TOP6BL: variants seen among roughly 807,000 people sequenced by gnomAD.
TOP6BL encodes the protein TOP6B like initiator of meiotic double strand breaks.
At chr11:66,758,302 C>CTTTTCTTTTTTTTTT in the TOP6BL span, 41 of 67,330 alleles carry the variant, frequency 6.1e-4, no homozygotes, top group East Asian at 5.4e-3. Flanking sequence ...TTTTCTTTTT[C>CTTTTCTTTTTTTTTT]TTTTTTTTTT....
At chr11:66,780,154 A>T in the TOP6BL span, among the ~76,000 whole-genome samples, 7 of 148,326 alleles carry the variant, frequency 4.7e-5, no homozygotes, top group South Asian at 2.2e-4. Context: ...AAACTTTCAT[A>T]AAAAAAAAAG....
At chr11:66,836,395 G>T in the TOP6BL span, among the ~76,000 whole-genome samples, 1 of 151,836 alleles carries the variant, frequency 6.6e-6, no homozygotes, top group Non-Finnish European at 1.5e-5. Flanking sequence ...ATTTTTAGTG[G>T]AGACGGGGTT....
At chr11:66,790,204 G>A in the TOP6BL span, among the ~76,000 whole-genome samples, 3 of 152,040 alleles carry the variant, frequency 2.0e-5, no homozygotes, top group Admixed American at 1.3e-4. Flanking sequence ...GGGAGGCGGA[G>A]CTTGAAGTGA....
chr11:66,754,487 A>C, the TOP6BL span, among the ~76,000 whole-genome samples: 4 of 152,092 alleles, frequency 2.6e-5, no homozygotes, highest in Non-Finnish European at 5.9e-5. Context: ...TTCATGTTAG[A>C]AGCTTTCTTC....
the TOP6BL span, chr11:66,828,422 C>T: frequency 1.5e-6 from 2 of 1,336,400 alleles, no homozygotes; most frequent in African/African-American, 1.4e-5. Context: ...TATGGGAATC[C>T]TGAATTGAGG....
At chr11:66,784,581 C>G in the TOP6BL span, among the ~76,000 whole-genome samples, 1 of 152,236 alleles carries the variant, frequency 6.6e-6, no homozygotes, top group African/African-American at 2.4e-5. Flanking sequence ...CACTAATCTA[C>G]TTTCTGTCTC....
chr11:66,788,602 C>G, the TOP6BL span, among the ~76,000 whole-genome samples: 2 of 152,218 alleles, frequency 1.3e-5, no homozygotes, highest in Admixed American at 1.3e-4. Context: ...CGTCCAAGAT[C>G]AAGGTGCTGT....
the TOP6BL span, chr11:66,815,970 GT>G: frequency 7.5e-7 from 1 of 1,340,872 alleles, no homozygotes; most frequent in African/African-American, 1.5e-5. Flanking sequence ...ATCCTTCTTT[GT>G]TCAGAATACA....
chr11:66,838,953 G>A, the TOP6BL span, among the ~76,000 whole-genome samples: 1 of 152,128 alleles, frequency 6.6e-6, no homozygotes, highest in African/African-American at 2.4e-5. Context: ...GGATGGTCTC[G>A]ATCTCCTGAC....
the TOP6BL span, among the ~76,000 whole-genome samples, chr11:66,793,140 T>A: frequency 1.3e-5 from 2 of 151,678 alleles, no homozygotes; most frequent in South Asian, 4.2e-4. Context: ...CAGGCTGGAG[T>A]GCAGTGGCAC....
At chr11:66,830,895 A>G in the TOP6BL span, among the ~76,000 whole-genome samples, 2 of 152,340 alleles carry the variant, frequency 1.3e-5, no homozygotes, top group Non-Finnish European at 2.9e-5. Flanking sequence ...TATCCTCAAT[A>G]TATAAAGAAC....
the TOP6BL span, chr11:66,843,396 T>G: frequency 3.5e-6 from 5 of 1,427,558 alleles, no homozygotes; most frequent in Non-Finnish European, 4.5e-6. Flanking sequence ...CGCCGCGGCC[T>G]GACGTCACCC....
chr11:66,828,162 C>T, the TOP6BL span: 1 of 710,118 alleles, frequency 1.4e-6, no homozygotes, highest in Non-Finnish European at 2.5e-6. Context: ...AATGGCTTGC[C>T]TACTGTCTGC....
chr11:66,784,850 A>G, the TOP6BL span, among the ~76,000 whole-genome samples: 1 of 150,568 alleles, frequency 6.6e-6, no homozygotes, highest in Admixed American at 6.6e-5. Context: ...TTTCTTTTAC[A>G]TTTGCTCTTT....
At chr11:66,747,168 C>T in the TOP6BL span, among the ~76,000 whole-genome samples, 1 of 152,012 alleles carries the variant, frequency 6.6e-6, no homozygotes, top group African/African-American at 2.4e-5. Context: ...AACTCCTGAC[C>T]TCAGGTGATC....
At chr11:66,822,522 T>C in the TOP6BL span, 1 of 1,293,162 alleles carries the variant, frequency 7.7e-7, no homozygotes, top group Non-Finnish European at 1.1e-6. Flanking sequence ...AACCACATCT[T>C]GGGATTCATG....
chr11:66,821,702 G>C, the TOP6BL span: 12 of 1,612,880 alleles, frequency 7.4e-6, no homozygotes, highest in African/African-American at 1.3e-5. Context: ...CCACAGTGTA[G>C]TGCAAGGTTC....
chr11:66,843,378 T>G, the TOP6BL span: 10 of 1,431,428 alleles, frequency 7.0e-6, no homozygotes, highest in South Asian at 2.9e-5. Context: ...GGGCGGGGCG[T>G]GGAGCCGCGC....
chr11:66,838,254 A>AG, the TOP6BL span: 1 of 795,896 alleles, frequency 1.3e-6, no homozygotes, highest in Non-Finnish European at 2.1e-6. Flanking sequence ...AGGGAGTTCC[A>AG]GGTGAGGGCA....
Sources: gnomAD v4.1 joint callset for allele counts (sites outside exome capture counted in the v4.1 genomes callset) on GRCh38, gnomAD v4.1.1 for gene constraint, MANE v1.5 for transcripts, NCBI Gene and HGNC (gene_info 2026-07-23, HGNC 2026-07-21) for gene names.